GPATCH8: variants seen among roughly 807,000 people sequenced by gnomAD.
GPATCH8 encodes the protein G patch domain-containing protein 8.
A neutral mutation model predicts 118.3 loss-of-function variants in GPATCH8; 18 were observed. That is an observed-to-expected ratio of 0.15 (90% CI 0.11 to 0.23). GPATCH8 has a LOEUF of 0.23. GPATCH8 is among the 10% of genes least tolerant of loss of function. The pLI is 1.00. For synonymous variants in GPATCH8, 659 were observed against 684.7 expected, an observed-to-expected ratio of 0.96 and a Z score of 0.59; for missense variants, 1,631 against 1,873.8, an observed-to-expected ratio of 0.87 and a Z score of 2.39.
intron 1 of GPATCH8, among the ~76,000 whole-genome samples, chr17:44,491,235 A>C (rs1969220216): frequency 1.3e-5 from 2 of 152,340 alleles, no homozygotes; most frequent in South Asian, 4.1e-4. Flanking sequence ...TCATGCCGGT[A>C]ATCCCAGCAC....
intron 5 of GPATCH8, among the ~76,000 whole-genome samples, chr17:44,429,085 G>A (rs770849260): frequency 6.0e-4 from 91 of 152,098 alleles, no homozygotes; most frequent in Admixed American, 1.0e-3. Context: ...AGCTTGCAGT[G>A]AGCCGAGATG....
intron 6 of GPATCH8, among the ~76,000 whole-genome samples, chr17:44,408,376 G>T (rs2049311006): frequency 6.6e-6 from 1 of 152,074 alleles, no homozygotes; most frequent in African/African-American, 2.4e-5. Context: ...TAGTAGAGAT[G>T]AAGTTTCATT....
chr17:44,415,560 A>G (rs1199403442), intron 6 of GPATCH8, among the ~76,000 whole-genome samples: 3 of 152,218 alleles, frequency 2.0e-5, no homozygotes, highest in East Asian at 1.9e-4. Context: ...CTCCAAGAAG[A>G]TATCTGGGGA....
Position 44,438,556 on chromosome 17 carries a change from A to C in GPATCH8, c.194-2011T>G, listed in dbSNP as rs2050589504. ...TCAGACAAGTTGCATAAGGAAAGGA[A>C]AGGAAAATGAAAAAGACCAAGCAGA... is the stretch of plus-strand genomic sequence containing the variant. On this transcript the variant is annotated intron_variant, in intron 3 of 7. Coordinates refer to ENST00000591680, the MANE Select transcript of GPATCH8 (RefSeq NM_001002909.4). 2.0e-5 allele frequency: 3 copies of C among 152,230 alleles called. No homozygotes were observed. In the Admixed American group the frequency reaches 2.0e-4, roughly 10 times the overall value. The allele number at this position is 152,230 out of a possible 1,614,324, so 9.4% of individuals were successfully genotyped here. A position where few individuals can be genotyped will look rare whatever the true frequency, so the allele number is the denominator to read the frequency against.
chr17:44,446,109 A>T (rs930247390), intron 3 of GPATCH8, among the ~76,000 whole-genome samples: 3 of 141,420 alleles, frequency 2.1e-5, no homozygotes, highest in East Asian at 2.0e-4. Flanking sequence ...GTGGCTAATT[A>T]AAAAAAAAAA....
At position 44,461,358 on chromosome 17, in the gene GPATCH8, T is replaced by C. The variant is rs2051540875; in HGVS notation, c.193+3114A>G. 3.3e-5 allele frequency among the ~76,000 whole-genome samples: 5 copies of C among 152,096 alleles called. No homozygotes were observed. The South Asian group carries it at 1.0e-3, about 32-fold the overall frequency. ...CACCAAGTCCAGCCAATTAATTTTTTTTTTTTGTAGAGATGGGGGTCTTGC... is the reference window on the plus strand; with the variant it reads ...CACCAAGTCCAGCCAATTAATTTTTCTTTTTTGTAGAGATGGGGGTCTTGC... On this transcript the variant is annotated intron_variant, in intron 3 of 7. Transcript: ENST00000591680.
intron 3 of GPATCH8, among the ~76,000 whole-genome samples, chr17:44,453,530 T>TGTGTGTGTGC (rs1052518435): frequency 9.3e-5 from 14 of 150,452 alleles, no homozygotes; most frequent in African/African-American, 3.2e-4. Flanking sequence ...TGTGTGTGTG[T>TGTGTGTGTGC]GCAGGCGCGC....
chr17:44,399,288 GATGA>G lies in GPATCH8; in HGVS notation c.2785_2788del (p.Ser929LeufsTer179). The G allele has an allele frequency of 6.2e-7, 1 of 1,614,022 alleles. No homozygotes were observed. Among genetic ancestry groups the G allele is most frequent in the Non-Finnish European group, 8.5e-7 (1 of 1,179,860 alleles). ...ACTGAGGCTATAGTCATCATCAGAA[GATGA>G]ATATTTGTGCCGTTTTGATCGGTGT... On this transcript the variant is annotated frameshift_variant, in exon 8 of 8. Coordinates refer to ENST00000591680, the MANE Select transcript of GPATCH8 (RefSeq NM_001002909.4). LOFTEE classifies it high-confidence loss of function.
At chr17:44,429,685 C>CACACACACACACACACACACAA (rs1567976291) in intron 5 of GPATCH8, among the ~76,000 whole-genome samples, 1 of 141,532 alleles carries the variant, frequency 7.1e-6, no homozygotes, top group Non-Finnish European at 1.5e-5. Flanking sequence ...CACACACACA[C>CACACACACACACACACACACAA]AAAACAACAA....
chr17:44,429,635 C>A (rs1275522363), intron 5 of GPATCH8, among the ~76,000 whole-genome samples: 1 of 139,760 alleles, frequency 7.2e-6, no homozygotes, highest in African/African-American at 2.6e-5. Context: ...CATGGTGAAA[C>A]CCCGTCTCTA....
chr17:44,426,848 A>ACACACTCT (rs1491366897), intron 5 of GPATCH8, among the ~76,000 whole-genome samples: 8 of 35,396 alleles, frequency 2.3e-4, no homozygotes, highest in African/African-American at 6.8e-4. Context: ...ACACACACAC[A>ACACACTCT]CTCTCTCTCT....
rs1400184574 is a variant in GPATCH8, at chr17:44,430,861, G to A, written c.348+4204C>T. ...GGAAGGGGTTTCACCATTTTGGCCA[G>A]GCTGGTCTGGAACTCCTGACCTCAA... On this transcript the variant is annotated intron_variant, in intron 5 of 7. Coordinates refer to ENST00000591680, the MANE Select transcript of GPATCH8 (RefSeq NM_001002909.4). Among the ~76,000 whole-genome samples the A allele has an allele frequency of 3.4e-5, 5 of 147,822 alleles. No homozygotes were observed. In the South Asian group the frequency reaches 1.1e-3, roughly 32 times the overall value.
intron 5 of GPATCH8, among the ~76,000 whole-genome samples, chr17:44,432,047 G>GTT (rs762963401): frequency 3.7e-5 from 5 of 136,048 alleles, no homozygotes; most frequent in African/African-American, 5.4e-5. Context: ...ATCAGAGTGG[G>GTT]TTTTTTTTTT....
At chr17:44,492,795 C>T (rs1969359315) in intron 1 of GPATCH8, among the ~76,000 whole-genome samples, 1 of 152,134 alleles carries the variant, frequency 6.6e-6, no homozygotes, top group South Asian at 2.1e-4. Flanking sequence ...AGAACCCTAA[C>T]TTGAGAGTAT....
rs766126645 is a variant in GPATCH8 at position 44,474,898 on chromosome 17, A to T, written c.51T>A (p.Asn17Lys). The change falls in exon 2 of 8, where the codon AAT (asparagine) becomes AAA (lysine). Residue 17 changes from asparagine (N) to lysine (K), a missense_variant. This residue lies in a region of GPATCH8 where 28 missense variants were observed against 33.9 expected (regional missense o/e 0.83). Coordinates refer to ENST00000591680, the MANE Select transcript of GPATCH8 (RefSeq NM_001002909.4). ...GTCCTTCCTCATACTGATCAAAGTG[A>T]TTACCCTGAAAAAAGATGATTACAG... ...RFNEDRDFQG[N>K]HFDQYEEGHL... The T allele has an allele frequency of 2.6e-6, 4 of 1,512,560 alleles. No individual in the cohort carries two copies. Among genetic ancestry groups the T allele is most frequent in the Non-Finnish European group, 3.7e-6 (4 of 1,087,718 alleles). 93.7% of individuals were successfully genotyped at this position (1,512,560 alleles called of 1,614,324 possible).
At chr17:44,418,359 A>G (rs1295830790) in intron 6 of GPATCH8, among the ~76,000 whole-genome samples, 1 of 152,234 alleles carries the variant, frequency 6.6e-6, no homozygotes, top group Non-Finnish European at 1.5e-5. Context: ...AAAATAATTA[A>G]GGAGGCAAGG....
intron 1 of GPATCH8, chr17:44,486,434 C>T (rs377607669): frequency 2.3e-3 from 344 of 152,146 alleles, no homozygotes; most frequent in African/African-American, 7.8e-3. Context: ...TTGTAAAATG[C>T]TTTTCTTGAG....
chr17:44,477,477 C>G (rs1008362650), intron 1 of GPATCH8, among the ~76,000 whole-genome samples: 3 of 151,990 alleles, frequency 2.0e-5, no homozygotes, highest in African/African-American at 7.2e-5. Flanking sequence ...CTCAAGGAGC[C>G]CAGCCTCAGC....
At chr17:44,409,156 G>C (rs757778628) in intron 6 of GPATCH8, 3 of 152,170 alleles carry the variant, frequency 2.0e-5, no homozygotes, top group African/African-American at 4.8e-5. Context: ...GACCTGCTCT[G>C]TTTCCGACCT....
Sources: gnomAD v4.1 joint callset for allele counts (sites outside exome capture counted in the v4.1 genomes callset) on GRCh38, gnomAD v4.1.1 for gene constraint, gnomAD v4.1.1 regional missense constraint, MANE v1.5 for transcripts, NCBI Gene and HGNC (gene_info 2026-07-23, HGNC 2026-07-21) for gene names.